Variants in RBSN observed in about 807,000 individuals in gnomAD.
RBSN encodes rabenosyn-5.
Under a neutral mutation model 60.5 loss-of-function variants are expected in RBSN, and 34 were observed. The ratio of observed to expected loss-of-function variants is 0.56; its 90% confidence interval spans 0.43 to 0.75. The LOEUF (loss-of-function observed/expected upper bound fraction) is 0.75. RBSN is among the 30% of genes least tolerant of loss of function. The pLI is 0.00. For missense variants in RBSN, 845 were observed against 986.8 expected, an observed-to-expected ratio of 0.86 and a Z score of 1.92; for synonymous variants, 322 against 366.9, an observed-to-expected ratio of 0.88 and a Z score of 1.40.
chr3:15,085,734 GAGA>G (rs1263724830), intron 6 of RBSN, 124 bp downstream of exon 6: 16 of 779,084 alleles, frequency 2.1e-5, no homozygotes, highest in Non-Finnish European at 2.8e-5. Context: ...CACCTCTCTA[GAGA>G]AGGTGTTTCT....
chr3:15,098,602 ATAAC>A (rs1300248916), intron 1 of RBSN, among the ~76,000 whole-genome samples: 7 of 152,070 alleles, frequency 4.6e-5, no homozygotes, highest in Admixed American at 2.6e-4. Flanking sequence ...CACAACCCAC[ATAAC>A]TAACATGATT....
At chr3:15,087,740 C>T (rs2043386174) in intron 5 of RBSN, among the ~76,000 whole-genome samples, 1 of 152,164 alleles carries the variant, frequency 6.6e-6, no homozygotes, top group African/African-American at 2.4e-5. Context: ...CATGCCTCAG[C>T]CTCCCAAGTA....
intron 6 of RBSN, among the ~76,000 whole-genome samples, chr3:15,085,455 C>G (rs941223457): frequency 6.6e-6 from 1 of 152,202 alleles, no homozygotes; most frequent in East Asian, 1.9e-4. Flanking sequence ...AGCACACAAT[C>G]CAGGTTACAC....
intron 9 of RBSN, 120 bp from the exon 10 acceptor site, chr3:15,080,922 TG>T (rs1157829421): frequency 1.2e-6 from 1 of 805,928 alleles, no homozygotes; most frequent in East Asian, 2.5e-5. Context: ...CATTAATTGT[TG>T]TTATCAATTT....
chr3:15,075,612 C>T lies in RBSN; in HGVS notation c.1200G>A (p.Glu400=). Residue 400 remains glutamate, a synonymous_variant, in exon 13 of 14, where the codon GAG becomes GAA. Coordinates refer to ENST00000253699, the MANE Select transcript of RBSN (RefSeq NM_022340.4). The part of the protein sequence containing the change: ...KEEMERKRAV[E]RQAALESQRR... ...TATCCCTGGCTTCACTCACTTGTCT[C>T]TCCACGGCCCTCTTCCTCTCCATTT... is the stretch of plus-strand genomic sequence containing the variant. 1 of 1,614,094 alleles carries T rather than the reference C, an allele frequency of 6.2e-7. No homozygotes were observed. The highest frequency in any genetic ancestry group is 8.5e-7 in the Non-Finnish European group (1 of 1,179,930).
chr3:15,091,149 G>A (rs895078506), intron 4 of RBSN, among the ~76,000 whole-genome samples: 1 of 135,910 alleles, frequency 7.4e-6, no homozygotes, highest in East Asian at 2.2e-4. Context: ...GGTCGAGGCT[G>A]CAGTGAGCTG....
chr3:15,080,582 A>G (rs2043178926), intron 10 of RBSN, 150 bp downstream of exon 10: 1 of 712,242 alleles, frequency 1.4e-6, no homozygotes, highest in Non-Finnish European at 2.4e-6. Flanking sequence ...TCTTCATAAT[A>G]GCCAAAAGTG....
At chr3:15,089,529 G>A (rs1339199113) in intron 5 of RBSN, among the ~76,000 whole-genome samples, 1 of 149,192 alleles carries the variant, frequency 6.7e-6, no homozygotes, top group African/African-American at 2.5e-5. Context: ...AAGTGTGACT[G>A]GCATGATAAA....
rs765160416 is a variant in RBSN, at chr3:15,074,624, T to C, written c.1513A>G (p.Ile505Val). ...EYDQQQTEKA[I>V]ELSRRQAEEE... is the part of the protein sequence containing the mutation. ...TCAGCCTGCCTCCGGGACAGCTCGA[T>C]GGCCTTCTCTGTCTGCTGCTGGTCA... The change falls in exon 14 of 14, where the codon ATC (isoleucine) becomes GTC (valine). Residue 505 changes from isoleucine to valine, a missense_variant. Coordinates refer to ENST00000253699, the MANE Select transcript of RBSN (RefSeq NM_022340.4). The surrounding 1 kb of genome is among the most constrained non-coding windows in gnomAD (Gnocchi z 6.4). 1.9e-6 allele frequency: 3 copies of C among 1,614,258 alleles called. No homozygotes were observed. The highest frequency in any genetic ancestry group is 8.5e-7 in the Non-Finnish European group (1 of 1,180,040).
intron 12 of RBSN, 116 bp downstream of exon 12, chr3:15,076,946 A>C (rs1436291987): frequency 1.2e-6 from 1 of 823,504 alleles, no homozygotes; most frequent in African/African-American, 1.7e-5. Context: ...AATTTCAAAA[A>C]ATAATAAATG....
At chr3:15,080,621 A>G in intron 10 of RBSN, 111 bp downstream of exon 10, 1 of 1,118,618 alleles carries the variant, frequency 8.9e-7, no homozygotes, top group Admixed American at 2.2e-5. Flanking sequence ...CTGGTCTCAG[A>G]AAAAAAGCAC....
chr3:15,085,176 C>T, intron 6 of RBSN, 131 bp from the exon 7 acceptor site: 2 of 1,057,266 alleles, frequency 1.9e-6, no homozygotes, highest in Non-Finnish European at 2.8e-6. Flanking sequence ...CCCAACGCCA[C>T]AAAATCACAA....
At chr3:15,091,436 C>T in intron 4 of RBSN, 5 of 1,281,678 alleles carry the variant, frequency 3.9e-6, no homozygotes, top group Non-Finnish European at 5.1e-6. Flanking sequence ...ACTGCCCACG[C>T]ACTTATTGAA....
At chr3:15,075,162 T>C in intron 13 of RBSN, 1 of 592,738 alleles carries the variant, frequency 1.7e-6, no homozygotes, top group Admixed American at 3.0e-5. Context: ...GGGCATCAGA[T>C]TTTCTCAATC....
At position 15,070,339 on chromosome 3, in the gene RBSN, T is replaced by G. The variant is rs2042902427; in HGVS notation, c.*3443A>C. The G allele has an allele frequency of 6.6e-6, 1 of 152,612 alleles. No individual in the cohort carries two copies. The highest frequency in any genetic ancestry group is 1.5e-5 in the Non-Finnish European group (1 of 68,032). 9.5% of individuals were successfully genotyped at this position (152,612 alleles called of 1,614,324 possible). A position where few individuals can be genotyped will look rare whatever the true frequency, so the allele number is the denominator to read the frequency against. ...AAGACATATTGAGCTGCAAGTACAA[T>G]GAGTAAGTATCCTTAGTGTATTAGA... is the stretch of plus-strand genomic sequence containing the variant. On this transcript the variant is annotated 3_prime_UTR_variant, in exon 14 of 14. Transcript: ENST00000253699.
rs191960593 is a variant in RBSN, at chr3:15,094,551, G to A, written c.148+1422C>T. 1.1e-4 allele frequency among the ~76,000 whole-genome samples: 16 copies of A among 152,310 alleles called. No homozygotes were observed. The East Asian group carries it at 2.1e-3, about 20-fold the overall frequency. ...ACCTTCTTGCAGAGTTGTTAGGAGAGTCAGATGAAACAATAATGTCTGTGA... is the reference window on the plus strand; with the variant it reads ...ACCTTCTTGCAGAGTTGTTAGGAGAATCAGATGAAACAATAATGTCTGTGA... On this transcript the variant is annotated intron_variant, in intron 4 of 13. Transcript: ENST00000253699.
chr3:15,094,039 A>C (rs902018014), intron 4 of RBSN, among the ~76,000 whole-genome samples: 5 of 152,136 alleles, frequency 3.3e-5, no homozygotes, highest in Non-Finnish European at 7.4e-5. Context: ...CAAGGCACAA[A>C]ATTTCTATTC....
chr3:15,097,362 A>G (rs2043687993), intron 2 of RBSN, among the ~76,000 whole-genome samples: 1 of 152,060 alleles, frequency 6.6e-6, no homozygotes. Flanking sequence ...TAAAAATACA[A>G]AAATTTGCCG....
rs894784339 is a variant in RBSN, at chr3:15,077,547, G to C, written c.999-383C>G. ...GCATTTTCATTTTGTACCAGGCCCT[G>C]CAACTACGAACTCCTGCTGTATGTC... On this transcript the variant is annotated intron_variant, in intron 11 of 13. Coordinates refer to ENST00000253699, the MANE Select transcript of RBSN (RefSeq NM_022340.4). The surrounding 1 kb of genome is among the most constrained non-coding windows in gnomAD (Gnocchi z 4.4). 2.6e-5 allele frequency among the ~76,000 whole-genome samples: 4 copies of C among 152,148 alleles called. No individual in the cohort carries two copies. Among genetic ancestry groups the C allele is most frequent in the African/African-American group, 9.7e-5 (4 of 41,442 alleles).
Sources: allele counts gnomAD v4.1 joint callset (sites outside exome capture counted in the v4.1 genomes callset), GRCh38; gene constraint gnomAD v4.1.1; non-coding constraint Gnocchi (gnomAD v3.1); transcripts MANE v1.5; gene names NCBI Gene and HGNC (gene_info 2026-07-23, HGNC 2026-07-21).